The following CSGALNACT1 variants were observed in gnomAD, a reference collection of about 807,000 sequenced individuals.
CSGALNACT1 encodes the protein chondroitin sulfate N-acetylgalactosaminyltransferase 1.
CSGALNACT1 carries 52 observed loss-of-function variants against 51.0 expected under a neutral mutation model. That is an observed-to-expected ratio of 1.02 (90% CI 0.82 to 1.29). The LOEUF (loss-of-function observed/expected upper bound fraction) is 1.29. Among genes scored for constraint, CSGALNACT1 ranks in the 50% most tolerant of loss-of-function variants. The probability of loss-of-function intolerance (pLI) is 0.00; values close to 1 mark genes in which losing one functional copy is unlikely to be tolerated. For missense variants in CSGALNACT1, 935 were observed against 679.2 expected, an observed-to-expected ratio of 1.38 and a Z score of -4.19; for synonymous variants, 341 against 254.4, an observed-to-expected ratio of 1.34 and a Z score of -3.24.
intron 1 of CSGALNACT1, among the ~76,000 whole-genome samples, chr8:19,612,004 G>A (rs1252500474): frequency 1.3e-5 from 2 of 151,958 alleles, no homozygotes; most frequent in African/African-American, 2.4e-5. Context: ...GATTCTGCTG[G>A]TCCTCTTTTG....
intron 1 of CSGALNACT1, among the ~76,000 whole-genome samples, chr8:19,677,792 G>T (rs2060303092): frequency 6.6e-6 from 1 of 152,172 alleles, no homozygotes; most frequent in Non-Finnish European, 1.5e-5. Flanking sequence ...CTGGACTAGG[G>T]AAATAGGTAA....
intron 1 of CSGALNACT1, among the ~76,000 whole-genome samples, chr8:19,708,045 A>T (rs181847130): frequency 2.2e-3 from 334 of 152,260 alleles, no homozygotes; most frequent in African/African-American, 7.8e-3. Flanking sequence ...ACAACAAAAA[A>T]ACACTGCTGC....
chr8:19,423,826 T>C (rs1157160664), intron 6 of CSGALNACT1, among the ~76,000 whole-genome samples: 4 of 152,188 alleles, frequency 2.6e-5, no homozygotes, highest in African/African-American at 7.2e-5. Context: ...GCATGTTATA[T>C]CCATGGCACT....
At chr8:19,450,477 C>T (rs887629169) in intron 5 of CSGALNACT1, among the ~76,000 whole-genome samples, 9 of 151,910 alleles carry the variant, frequency 5.9e-5, no homozygotes, top group South Asian at 2.1e-4. Flanking sequence ...CCAAGGGAGG[C>T]GGGTGGGGCA....
At chr8:19,741,907 C>A (rs987559821) in intron 1 of CSGALNACT1, among the ~76,000 whole-genome samples, 5 of 152,124 alleles carry the variant, frequency 3.3e-5, no homozygotes, top group Admixed American at 3.3e-4. Flanking sequence ...TATCAACAGG[C>A]CGCATAGGAA....
chr8:19,492,592 T>A, intron 4 of CSGALNACT1, among the ~76,000 whole-genome samples: 1 of 152,202 alleles, frequency 6.6e-6, no homozygotes, highest in South Asian at 2.1e-4. Flanking sequence ...GATGCCCCAG[T>A]CTGACTTAGA....
At chr8:19,664,654 C>T (rs865814598) in intron 1 of CSGALNACT1, among the ~76,000 whole-genome samples, 1 of 148,058 alleles carries the variant, frequency 6.8e-6, no homozygotes, top group Non-Finnish European at 1.5e-5. Flanking sequence ...CAAACACACA[C>T]ACACACACAC....
intron 3 of CSGALNACT1, among the ~76,000 whole-genome samples, chr8:19,535,862 C>T (rs2154063477): frequency 6.6e-6 from 1 of 152,256 alleles, no homozygotes; most frequent in East Asian, 1.9e-4. Context: ...AATAAACCTA[C>T]AACTAACATT....
At chr8:19,470,198 G>A (rs1177549184) in intron 4 of CSGALNACT1, among the ~76,000 whole-genome samples, 2 of 152,166 alleles carry the variant, frequency 1.3e-5, no homozygotes, top group Non-Finnish European at 2.9e-5. Context: ...CCACAATGGG[G>A]ATGGAGCAGA....
chr8:19,666,057 G>A (rs1307158020), intron 1 of CSGALNACT1, among the ~76,000 whole-genome samples: 1 of 152,154 alleles, frequency 6.6e-6, no homozygotes, highest in South Asian at 2.1e-4. Context: ...TAATCTTTTT[G>A]GAGTTATTTC....
Position 19,421,549 on chromosome 8 carries a change from C to T in CSGALNACT1, c.954-1031G>A, listed in dbSNP as rs913029635. 3.9e-5 allele frequency among the ~76,000 whole-genome samples: 6 copies of T among 152,200 alleles called. No individual in the cohort carries two copies. The East Asian group carries it at 9.6e-4, about 24-fold the overall frequency. ...TGGCTTCCTTTCCTCTCACACTCCC[C>T]GTCCTACCAGCTACCTGGCCTATCC... is the stretch of plus-strand genomic sequence containing the variant. On this transcript the variant is annotated intron_variant, in intron 6 of 9. Transcript: ENST00000454498.
intron 1 of CSGALNACT1, among the ~76,000 whole-genome samples, chr8:19,672,892 C>A (rs17128820): frequency 0.12 from 18,494 of 152,192 alleles, 1,721 homozygotes; most frequent in African/African-American, 0.26. Context: ...CTGCTTCAGT[C>A]TGGGTTCATG....
intron 1 of CSGALNACT1, among the ~76,000 whole-genome samples, chr8:19,720,236 C>A (rs2063043365): frequency 6.6e-6 from 1 of 152,152 alleles, no homozygotes; most frequent in Non-Finnish European, 1.5e-5. Flanking sequence ...TTACAGGCAG[C>A]CAAAGTCAAT....
At chr8:19,418,504 G>A (rs894945469) in intron 8 of CSGALNACT1, 152 bp downstream of exon 7, 18 of 700,766 alleles carry the variant, frequency 2.6e-5, no homozygotes, top group South Asian at 7.6e-5. Context: ...ACGAGGCGCC[G>A]GGAGCAGAGG....
chr8:19,513,421 T>A lies in CSGALNACT1; in HGVS notation c.-296-7291A>T, dbSNP rs1329057259. Among the ~76,000 whole-genome samples, 67 of 95,358 alleles carry A rather than the reference T, an allele frequency of 7.0e-4. 1 individual carries two copies. The highest frequency in any genetic ancestry group is 2.2e-3 in the East Asian group (5 of 2,260). The allele number at this position is 95,358 out of a possible 152,430, so 62.6% of individuals were successfully genotyped here. A position where few individuals can be genotyped will look rare whatever the true frequency, so the allele number is the denominator to read the frequency against. On this transcript the variant is annotated intron_variant, in intron 3 of 9. Transcript: ENST00000454498. Reference sequence around the variant, plus strand: ...ATAGAATTTTCTCTCTCTCACTCTCTCTCTCTCTCTCTCTCTATATATATA... The same window carrying A: ...ATAGAATTTTCTCTCTCTCACTCTCACTCTCTCTCTCTCTCTATATATATA...
intron 4 of CSGALNACT1, among the ~76,000 whole-genome samples, chr8:19,490,014 C>G (rs549728314): frequency 2.0e-5 from 3 of 152,274 alleles, no homozygotes; most frequent in African/African-American, 7.2e-5. Context: ...GACTAATTAC[C>G]ACATGGGCCA....
intron 1 of CSGALNACT1, among the ~76,000 whole-genome samples, chr8:19,736,670 G>C (rs1014503818): frequency 6.6e-6 from 1 of 152,028 alleles, no homozygotes; most frequent in Non-Finnish European, 1.5e-5. Context: ...TGGTTAAAAA[G>C]AGAATTTGTA....
chr8:19,572,711 T>C (rs77955425), intron 3 of CSGALNACT1, among the ~76,000 whole-genome samples: 208 of 152,340 alleles, frequency 1.4e-3, no homozygotes, highest in African/African-American at 4.9e-3. Context: ...AAGGTGGAAA[T>C]TGGATAGCAA....
intron 1 of CSGALNACT1, among the ~76,000 whole-genome samples, chr8:19,650,834 T>TA (rs1227480147): frequency 6.6e-6 from 1 of 152,180 alleles, no homozygotes; most frequent in Non-Finnish European, 1.5e-5. Flanking sequence ...GAAAAGTGAC[T>TA]AAAAACTAAA....
Sources: gnomAD v4.1 joint callset for allele counts (sites outside exome capture counted in the v4.1 genomes callset) on GRCh38, gnomAD v4.1.1 for gene constraint, MANE v1.5 for transcripts, NCBI Gene and HGNC (gene_info 2026-07-23, HGNC 2026-07-21) for gene names.